Variants in ATF2 observed in about 807,000 individuals in gnomAD.
The protein encoded by ATF2 is cyclic AMP-dependent transcription factor ATF-2.
ATF2 carries 24 observed loss-of-function variants against 60.6 expected under a neutral mutation model. That is an observed-to-expected ratio of 0.40 (90% confidence interval 0.29 to 0.56). The LOEUF is 0.56. ATF2 is among the 20% of genes least tolerant of loss of function. The pLI, the probability that ATF2 is intolerant of heterozygous loss-of-function variation, is 0.54. For missense variants in ATF2, 433 were observed against 607.7 expected (o/e 0.71, Z 3.02); for synonymous variants, 206 against 215.4 (o/e 0.96, Z 0.38).
At chr2:175,084,086 G>A (rs1475214588) in intron 12 of ATF2, among the ~76,000 whole-genome samples, 2 of 152,110 alleles carry the variant, frequency 1.3e-5, no homozygotes, top group Non-Finnish European at 2.9e-5. Context: ...TCAGTGTGGC[G>A]ATTCCTCAGG....
intron 4 of ATF2, among the ~76,000 whole-genome samples, chr2:175,125,239 T>C (rs1003627823): frequency 9.2e-5 from 14 of 152,210 alleles, no homozygotes; most frequent in Admixed American, 2.0e-4. Context: ...ATCAAAATGA[T>C]GCTTCTAAAA....
chr2:175,096,911 G>A (rs1257762448), intron 11 of ATF2, among the ~76,000 whole-genome samples: 1 of 152,128 alleles, frequency 6.6e-6, no homozygotes, highest in Non-Finnish European at 1.5e-5. Flanking sequence ...TTACATAGGA[G>A]AACAGTTCAA....
At chr2:175,139,065 T>C (rs1698323626) in intron 2 of ATF2, among the ~76,000 whole-genome samples, 1 of 152,222 alleles carries the variant, frequency 6.6e-6, no homozygotes, top group African/African-American at 2.4e-5. Context: ...TTTAAAATAG[T>C]ATATGTAAAG....
At chr2:175,087,401 C>T (rs1462073446) in intron 12 of ATF2, among the ~76,000 whole-genome samples, 3 of 152,174 alleles carry the variant, frequency 2.0e-5, no homozygotes, top group African/African-American at 4.8e-5. Flanking sequence ...TCTCTACCAC[C>T]GCTCCACTCT....
At chr2:175,113,944 C>A (rs370376829) in intron 9 of ATF2, 50 bp downstream of exon 9, 7 of 1,472,912 alleles carry the variant, frequency 4.8e-6, no homozygotes, top group Non-Finnish European at 6.6e-6. Context: ...TATTTTCTGA[C>A]TACAAAGATC....
In ATF2 at chr2:175,085,057, TCA is replaced by T. The variant is rs1170953238; in HGVS notation, c.1186-4294_1186-4293del. Among the ~76,000 whole-genome samples, 7 of 152,332 alleles carry T rather than the reference TCA, an allele frequency of 4.6e-5. No individual in the cohort carries two copies. The East Asian group carries it at 1.3e-3, about 29-fold the overall frequency. ...CAATACAGCTACACTGTTAATTTTC[TCA>T]GTTATGTAAATTGGCATATTATGTA... On this transcript the variant is annotated intron_variant, in intron 12 of 13. Transcript: ENST00000264110.
intron 1 of ATF2, chr2:175,167,747 A>G (rs1700466827): frequency 2.1e-6 from 1 of 473,596 alleles, no homozygotes; most frequent in Non-Finnish European, 4.4e-6. Flanking sequence ...TCTAAGAGGG[A>G]GCCGTTATTC....
At chr2:175,154,308 T>C (rs1351135826) in intron 1 of ATF2, among the ~76,000 whole-genome samples, 1 of 151,564 alleles carries the variant, frequency 6.6e-6, no homozygotes. Flanking sequence ...CACATTAGCC[T>C]AGGCCTACAC....
intron 3 of ATF2, among the ~76,000 whole-genome samples, chr2:175,135,543 C>T (rs1422431070): frequency 6.6e-6 from 1 of 152,112 alleles, no homozygotes; most frequent in Non-Finnish European, 1.5e-5. Context: ...TCAAAAAACA[C>T]TAAGATGAAT....
chr2:175,133,902 GCAAA>G (rs1442360417), intron 3 of ATF2, among the ~76,000 whole-genome samples: 7 of 152,006 alleles, frequency 4.6e-5, no homozygotes, highest in African/African-American at 1.7e-4. Flanking sequence ...CAAAAAAGGA[GCAAA>G]CAGTTATTTA....
At chr2:175,077,190 T>C (rs1228938400) in intron 13 of ATF2, among the ~76,000 whole-genome samples, 1 of 152,094 alleles carries the variant, frequency 6.6e-6, no homozygotes, top group Admixed American at 6.5e-5. Context: ...CTTAATCCAG[T>C]CTATCATTGT....
In ATF2 at chr2:175,118,383, CAAG is replaced by C. The variant is rs1696729066; in HGVS notation, c.200-17_200-15del. ...TTGGGGTCTGATCTGAAATAAATGT[CAAG>C]AAGTAATCATGCATATTTAAATATG... On this transcript the variant is annotated splice_polypyrimidine_tract_variant and intron_variant, in intron 5 of 13. Transcript: ENST00000264110. The C allele has an allele frequency of 6.3e-7, 1 of 1,585,636 alleles. No individual in the cohort carries two copies. Among genetic ancestry groups the C allele is most frequent in the African/African-American group, 1.4e-5 (1 of 73,714 alleles).
intron 10 of ATF2, among the ~76,000 whole-genome samples, chr2:175,105,017 C>G (rs1362144397): frequency 6.6e-6 from 1 of 151,952 alleles, no homozygotes; most frequent in African/African-American, 2.4e-5. Flanking sequence ...TTTAAGAAAA[C>G]TATGTATCAC....
chr2:175,164,045 C>A, intron 1 of ATF2, among the ~76,000 whole-genome samples: 1 of 145,024 alleles, frequency 6.9e-6, no homozygotes, highest in Non-Finnish European at 1.5e-5. Flanking sequence ...ACATTAAATA[C>A]ACCTGTAACA....
rs576777223 is a variant in ATF2 at position 175,077,725 on chromosome 2, ATCAGGTAC to A, written c.1292-2898_1292-2891del. ...AGCAAATCTTTAAGCAGTACAAAGAATCAGGTACTCACAATTATGTAATTATAAACCTT... is the reference window on the plus strand; with the variant it reads ...AGCAAATCTTTAAGCAGTACAAAGAATCACAATTATGTAATTATAAACCTT... On this transcript the variant is annotated intron_variant, in intron 13 of 13. Transcript: ENST00000264110. Among the ~76,000 whole-genome samples, 565 of 152,352 alleles carry A rather than the reference ATCAGGTAC, an allele frequency of 3.7e-3. 1 individual carries two copies. Among genetic ancestry groups the A allele is most frequent in the Non-Finnish European group, 6.3e-3 (429 of 68,032 alleles).
intron 11 of ATF2, among the ~76,000 whole-genome samples, chr2:175,096,060 C>T (rs1011218841): frequency 2.6e-5 from 4 of 152,134 alleles, no homozygotes; most frequent in African/African-American, 9.7e-5. Flanking sequence ...AGACAAGATA[C>T]AGTTATGTAA....
intron 1 of ATF2, among the ~76,000 whole-genome samples, chr2:175,152,964 T>C (rs898000003): frequency 6.6e-6 from 1 of 152,176 alleles, no homozygotes; most frequent in Non-Finnish European, 1.5e-5. Context: ...TGGCTTCGGG[T>C]TTTCCTATTT....
At chr2:175,114,520 G>A (rs759927690) in intron 8 of ATF2, 170 bp downstream of exon 8, 40 of 1,321,312 alleles carry the variant, frequency 3.0e-5, no homozygotes, top group African/African-American at 6.0e-5. Flanking sequence ...CACTCTGTTA[G>A]TTAATATTTA....
intron 12 of ATF2, among the ~76,000 whole-genome samples, chr2:175,086,634 C>T (rs1344893751): frequency 6.6e-6 from 1 of 152,074 alleles, no homozygotes; most frequent in Non-Finnish European, 1.5e-5. Context: ...GTCTTGAACT[C>T]CCAGCCTCAA....
Sources: gnomAD v4.1 joint callset for allele counts (sites outside exome capture counted in the v4.1 genomes callset) on GRCh38, gnomAD v4.1.1 for gene constraint, MANE v1.5 for transcripts, NCBI Gene and HGNC (gene_info 2026-07-23, HGNC 2026-07-21) for gene names.